Variants in ZNF555 observed in about 807,000 individuals in gnomAD.
ZNF555 encodes zinc finger protein 555.
ZNF555 carries 10 observed loss-of-function variants against 14.0 expected under a neutral mutation model. That is an observed-to-expected ratio of 0.72 (90% CI 0.44 to 1.21). ZNF555 has a LOEUF of 1.21. Ranked by LOEUF, ZNF555 falls within the 50% of genes most tolerant of loss-of-function variation. ZNF555 has a pLI of 0.00. For missense variants in ZNF555, 747 were observed against 762.0 expected (o/e 0.98, Z 0.23); for synonymous variants, 277 against 262.4 (o/e 1.06, Z -0.54).
At position 2,852,664 on chromosome 19, in the gene ZNF555, A is replaced by G. The variant is rs771720646; in HGVS notation, c.599A>G (p.Tyr200Cys). ...HVRTHNGERPYVCKLCGKTFP... is the reference protein window; with the variant it reads ...HVRTHNGERPCVCKLCGKTFP... ...AGAACCCACAATGGAGAGAGACCCT[A>G]TGTGTGTAAATTATGTGGGAAAACC... Residue 200 changes from tyrosine (Y) to cysteine (C), a missense_variant, in exon 4 of 4, where the codon TAT (tyrosine) becomes TGT (cysteine). Physicochemically the swap from Tyr to Cys is radical, Grantham distance 194. Transcript: ENST00000334241. 23 of 1,614,090 alleles carry G rather than the reference A, an allele frequency of 1.4e-5. No homozygotes were observed. Among genetic ancestry groups the G allele is most frequent in the Non-Finnish European group, 1.7e-5 (20 of 1,180,040 alleles).
chr19:2,848,017 A>G (rs778980042), intron 1 of ZNF555, among the ~76,000 whole-genome samples: 15 of 152,142 alleles, frequency 9.9e-5, no homozygotes, highest in Non-Finnish European at 2.1e-4. Context: ...AGCCTTGGTA[A>G]TTAACTTTCT....
intron 2 of ZNF555, 62 bp downstream of exon 2, chr19:2,850,775 T>G (rs565888490): frequency 6.9e-6 from 11 of 1,595,870 alleles, no homozygotes; most frequent in Admixed American, 1.7e-5. Context: ...TTCTTACACA[T>G]CAGACCTGTT....
chr19:2,850,741 CG>C, intron 2 of ZNF555, 28 bp downstream of exon 2: 1 of 1,610,504 alleles, frequency 6.2e-7, no homozygotes, highest in African/African-American at 1.3e-5. Flanking sequence ...CCTTCCTTCA[CG>C]TAGTTATTGA....
chr19:2,847,357 G>A (rs146101620), intron 1 of ZNF555: 4 of 152,152 alleles, frequency 2.6e-5, no homozygotes, highest in Non-Finnish European at 5.9e-5. Flanking sequence ...GTCAGCGGAG[G>A]GGGGAGGGAT....
chr19:2,841,601 C>T (rs373116984), intron 1 of ZNF555, 26 bp downstream of exon 1: 5 of 1,515,562 alleles, frequency 3.3e-6, no homozygotes, highest in African/African-American at 2.9e-5. Flanking sequence ...GAGAGGATCC[C>T]GGTGCGGGGC....
intron 1 of ZNF555, among the ~76,000 whole-genome samples, chr19:2,848,245 G>A (rs1269761291): frequency 6.6e-6 from 1 of 151,246 alleles, no homozygotes; most frequent in Non-Finnish European, 1.5e-5. Context: ...TCCGCCTCCC[G>A]GGTTCACGCC....
chr19:2,857,425 TA>T lies in ZNF555; in HGVS notation c.*3474del, dbSNP rs560481996. 2.4e-3 allele frequency: 360 copies of T among 152,332 alleles called. 2 individuals carry two copies. Among genetic ancestry groups the T allele is most frequent in the African/African-American group, 8.4e-3 (350 of 41,582 alleles). 9.4% of individuals were successfully genotyped at this position (152,332 alleles called of 1,614,324 possible). A position where few individuals can be genotyped will look rare whatever the true frequency, so the allele number is the denominator to read the frequency against. On this transcript the variant is annotated 3_prime_UTR_variant, in exon 4 of 4. Coordinates refer to ENST00000334241, the MANE Select transcript of ZNF555 (RefSeq NM_152791.5). ...AAGCAAGTATAATTAATTTTACAAA[TA>T]GGGCATCAAATTTTACAAAGACTCC...
At position 2,854,259 on chromosome 19, in the gene ZNF555, G is replaced by A. The variant is rs2087665523; in HGVS notation, c.*307G>A. ...ATATTTTCCACCTTTTTTACTGGGA[G>A]TATTTTTATTGTTTGGCCAGAGGAG... On this transcript the variant is annotated 3_prime_UTR_variant, in exon 4 of 4. Coordinates refer to ENST00000334241, the MANE Select transcript of ZNF555 (RefSeq NM_152791.5). 3 of 273,734 alleles carry A rather than the reference G, an allele frequency of 1.1e-5. No homozygotes were observed. The highest frequency in any genetic ancestry group is 4.5e-5 in the African/African-American group (2 of 44,036). The allele number at this position is 273,734 out of a possible 1,614,324, so 17.0% of individuals were successfully genotyped here.
At chr19:2,844,097 T>C (rs199839274) in intron 1 of ZNF555, among the ~76,000 whole-genome samples, 1 of 42,782 alleles carries the variant, frequency 2.3e-5, no homozygotes, top group Non-Finnish European at 5.4e-5. Context: ...CTCTCTCTTT[T>C]CTTTTTTTTT....
intron 3 of ZNF555, among the ~76,000 whole-genome samples, 176 bp downstream of exon 3, chr19:2,851,827 T>C (rs954426206): frequency 1.3e-5 from 2 of 152,192 alleles, no homozygotes; most frequent in African/African-American, 4.8e-5. Context: ...TGAGTGACAT[T>C]AGAAACATAA....
At chr19:2,844,513 A>G (rs2087566702) in intron 1 of ZNF555, among the ~76,000 whole-genome samples, 1 of 152,332 alleles carries the variant, frequency 6.6e-6, no homozygotes, top group African/African-American at 2.4e-5. Context: ...TGCTGGAATT[A>G]TAGGTGTGAA....
Position 2,852,345 on chromosome 19 carries a change from A to C in ZNF555, c.315-35A>C, listed in dbSNP as rs559743079. On this transcript the variant is annotated intron_variant, in intron 3 of 3. Coordinates refer to ENST00000334241, the MANE Select transcript of ZNF555 (RefSeq NM_152791.5). ...TCCTAATAAATACTAACAAATCATT[A>C]TTAATCAAACCAATAACATGCTTCT... 4.8e-5 allele frequency: 77 copies of C among 1,611,632 alleles called. 2 individuals carry two copies. The South Asian group carries it at 7.3e-4, about 15-fold the overall frequency.
intron 2 of ZNF555, 103 bp downstream of exon 2, chr19:2,850,816 T>C (rs1230937849): frequency 6.9e-7 from 1 of 1,450,722 alleles, no homozygotes; most frequent in Non-Finnish European, 9.5e-7. Flanking sequence ...AGGGAATAAA[T>C]TGGTAAATAA....
At chr19:2,851,317 T>C in intron 2 of ZNF555, 151 bp from the exon 3 acceptor site, 1 of 551,944 alleles carries the variant, frequency 1.8e-6, no homozygotes. Flanking sequence ...TTTTTAATAA[T>C]TTTTCTATGC....
intron 3 of ZNF555, 121 bp downstream of exon 3, chr19:2,851,772 C>A: frequency 1.1e-6 from 1 of 879,580 alleles, no homozygotes; most frequent in Non-Finnish European, 1.6e-6. Context: ...GTTTAATCCA[C>A]AGAATTTTTA....
chr19:2,841,622 G>A (rs2087536621), intron 1 of ZNF555, 47 bp downstream of exon 1: 1 of 1,453,402 alleles, frequency 6.9e-7, no homozygotes, highest in African/African-American at 1.5e-5. Flanking sequence ...AGCAGGAACC[G>A]GCGACCGCCC....
chr19:2,850,423 A>G (rs913995671), intron 1 of ZNF555, among the ~76,000 whole-genome samples, 164 bp from the exon 2 acceptor site: 7 of 152,250 alleles, frequency 4.6e-5, no homozygotes, highest in Admixed American at 3.3e-4. Flanking sequence ...TGTGAAATCT[A>G]TGAGGAAGTG....
At position 2,853,904 on chromosome 19, in the gene ZNF555, C is replaced by T; in HGVS notation, c.1839C>T (p.His613=). The T allele has an allele frequency of 1.2e-6, 2 of 1,613,940 alleles. No individual in the cohort carries two copies. Among genetic ancestry groups the T allele is most frequent in the Non-Finnish European group, 1.7e-6 (2 of 1,180,030 alleles). The change falls in exon 4 of 4, where the codon CAC becomes CAT. Residue 613 remains histidine (H), a synonymous_variant. Transcript: ENST00000334241. ...TGTGCAGTGCTTCAGAAAAGTCACA[C>T]CAGGAGAGAGATCTGATCAAAGTTG... is the stretch of plus-strand genomic sequence containing the variant. The part of the protein sequence containing the change: ...EFMCSASEKS[H]QERDLIKVVN...
intron 1 of ZNF555, among the ~76,000 whole-genome samples, chr19:2,842,090 A>C (rs2087542125): frequency 3.9e-5 from 6 of 151,922 alleles, no homozygotes; most frequent in Admixed American, 3.9e-4. Context: ...AGCTCCTTGG[A>C]GGCCCCGCGC....
Sources: gnomAD v4.1 joint callset for allele counts (sites outside exome capture counted in the v4.1 genomes callset) on GRCh38, gnomAD v4.1.1 for gene constraint, MANE v1.5 for transcripts, NCBI Gene and HGNC (gene_info 2026-07-23, HGNC 2026-07-21) for gene names.